Variants in MLLT3 observed in about 807,000 individuals in gnomAD.
The protein encoded by MLLT3 is protein AF-9.
MLLT3 carries 4 observed loss-of-function variants against 53.2 expected under a neutral mutation model. The observed-to-expected ratio is 0.08, with a 90% CI of 0.04 to 0.17. MLLT3 has a LOEUF of 0.17. MLLT3 is among the 10% of genes least tolerant of loss of function. The probability of loss-of-function intolerance (pLI) is 1.00; values close to 1 mark genes in which losing one functional copy is unlikely to be tolerated. For missense variants in MLLT3, 569 were observed against 684.0 expected (o/e 0.83, Z 1.87); for synonymous variants, 283 against 230.6 (o/e 1.23, Z -2.06).
chr9:20,490,981 A>G (rs1040905400), intron 2 of MLLT3, among the ~76,000 whole-genome samples: 1 of 152,170 alleles, frequency 6.6e-6, no homozygotes, highest in Non-Finnish European at 1.5e-5. Context: ...GAATTTGACT[A>G]AATTTCACTC....
chr9:20,414,372 G>A lies in MLLT3; in HGVS notation c.474C>T (p.Ser158=), dbSNP rs1563956909. The A allele has an allele frequency of 3.1e-6, 5 of 1,602,948 alleles. No homozygotes were observed. The South Asian group carries it at 3.3e-5, about 11-fold the overall frequency. The change falls in exon 5 of 11, where the codon AGC becomes AGT. Residue 158 remains serine, a synonymous_variant. Coordinates refer to ENST00000380338, the MANE Select transcript of MLLT3 (RefSeq NM_004529.4). ...TGCTGCTGCTGCTGCTGCTGCTGCT[G>A]CTGCTACTGCTGCTGCTGCTGCTGC... The part of the protein sequence containing the change: ...TSSSSSSSSS[S]SSSSSSSSSS...
At chr9:20,447,291 T>C (rs534772526) in intron 4 of MLLT3, among the ~76,000 whole-genome samples, 24 of 152,118 alleles carry the variant, frequency 1.6e-4, no homozygotes, top group South Asian at 4.1e-4. Flanking sequence ...ACTTCATAAA[T>C]AGAAAACTGC....
chr9:20,572,675 C>A (rs1453863488), intron 2 of MLLT3, among the ~76,000 whole-genome samples: 4 of 152,020 alleles, frequency 2.6e-5, no homozygotes, highest in Non-Finnish European at 5.9e-5. Context: ...GCGCCTGTAA[C>A]CCCAGCTGCT....
chr9:20,421,504 G>A (rs1311812502), intron 4 of MLLT3, among the ~76,000 whole-genome samples: 1 of 152,006 alleles, frequency 6.6e-6, no homozygotes, highest in African/African-American at 2.4e-5. Context: ...CACAAAACAT[G>A]CAAACATTAT....
intron 5 of MLLT3, among the ~76,000 whole-genome samples, chr9:20,395,858 A>G (rs2118732413): frequency 6.6e-6 from 1 of 152,294 alleles, no homozygotes; most frequent in South Asian, 2.1e-4. Flanking sequence ...GCTGTTGAAG[A>G]GCCAACAAAA....
intron 2 of MLLT3, among the ~76,000 whole-genome samples, chr9:20,495,717 G>A (rs1440000729): frequency 3.9e-5 from 6 of 152,074 alleles, no homozygotes; most frequent in African/African-American, 1.4e-4. Context: ...TCAAGCCTAA[G>A]ATGGGTCTTG....
At chr9:20,379,349 G>A (rs960252480) in intron 5 of MLLT3, among the ~76,000 whole-genome samples, 2 of 151,950 alleles carry the variant, frequency 1.3e-5, no homozygotes, top group Admixed American at 6.6e-5. Flanking sequence ...GGATTTAGAG[G>A]TTATACCACA....
At chr9:20,495,729 G>A (rs1825065926) in intron 2 of MLLT3, among the ~76,000 whole-genome samples, 1 of 152,014 alleles carries the variant, frequency 6.6e-6, no homozygotes, top group Non-Finnish European at 1.5e-5. Flanking sequence ...TGGGTCTTGT[G>A]GATGAAATCT....
At chr9:20,575,525 A>G (rs910636471) in intron 2 of MLLT3, among the ~76,000 whole-genome samples, 9 of 152,220 alleles carry the variant, frequency 5.9e-5, no homozygotes, top group Admixed American at 5.9e-4. Flanking sequence ...CAAAACTTGA[A>G]TGTCAAAATT....
In MLLT3 at chr9:20,365,698, C is replaced by G; in HGVS notation, c.1172G>C (p.Ser391Thr). The part of the protein sequence containing the change: ...PASSSSSSSS[S>T]FTPSQTRQQG... ...TTGCCTGGTCTGGGATGGTGTGAAG[C>G]TGGAGCTGGAGCTGGAGCTGGAGCT... Residue 391 changes from serine (S) to threonine (T), a missense_variant, in exon 6 of 11, where the codon AGC (serine) becomes ACC (threonine). Physicochemically the swap from Ser to Thr is moderately conservative, Grantham distance 58. Around this residue, in one of 5 missense-constraint regions of MLLT3, gnomAD observed 437 missense variants for 376.5 expected, o/e 1.16. Transcript: ENST00000380338. 6.2e-7 allele frequency: 1 copy of G among 1,613,982 alleles called. No homozygotes were observed.
At chr9:20,500,876 GTCT>G (rs1825205818) in intron 2 of MLLT3, among the ~76,000 whole-genome samples, 1 of 152,154 alleles carries the variant, frequency 6.6e-6, no homozygotes, top group Non-Finnish European at 1.5e-5. Context: ...CCAGTTCAAT[GTCT>G]TCTTTAAGTT....
rs575876831 is a variant in MLLT3, at chr9:20,616,418, T to G, written c.193+4236A>C. 4.6e-5 allele frequency among the ~76,000 whole-genome samples: 7 copies of G among 152,266 alleles called. No individual in the cohort carries two copies. The East Asian group carries it at 9.6e-4, about 21-fold the overall frequency. ...TTTTAAAACAATATTCTATATTGGT[T>G]TTTTATTCTTTTTCAGTTTTAAAAA... is the stretch of plus-strand genomic sequence containing the variant. On this transcript the variant is annotated intron_variant, in intron 2 of 10. Transcript: ENST00000380338.
intron 2 of MLLT3, among the ~76,000 whole-genome samples, chr9:20,599,946 A>G (rs975393461): frequency 2.0e-5 from 3 of 152,076 alleles, no homozygotes; most frequent in African/African-American, 7.2e-5. Flanking sequence ...CACCTATATA[A>G]TATTATATTG....
At chr9:20,463,157 G>C (rs1824152940) in intron 2 of MLLT3, among the ~76,000 whole-genome samples, 1 of 152,072 alleles carries the variant, frequency 6.6e-6, no homozygotes. Context: ...ATAAGAATTT[G>C]AGACTCCAAA....
chr9:20,550,704 T>C (rs1587059088), intron 2 of MLLT3, among the ~76,000 whole-genome samples: 1 of 152,314 alleles, frequency 6.6e-6, no homozygotes, highest in East Asian at 1.9e-4. Flanking sequence ...CAGCTGTGTG[T>C]ATTTTTTAAT....
At chr9:20,349,259 T>C (rs987609765) in intron 10 of MLLT3, among the ~76,000 whole-genome samples, 2 of 152,226 alleles carry the variant, frequency 1.3e-5, no homozygotes, top group African/African-American at 4.8e-5. Flanking sequence ...TAATGCTACC[T>C]GTTCTACTTG....
chr9:20,464,324 G>A (rs537096619), intron 2 of MLLT3, among the ~76,000 whole-genome samples: 2 of 152,140 alleles, frequency 1.3e-5, no homozygotes, highest in African/African-American at 4.8e-5. Flanking sequence ...GATAAGACGA[G>A]TCCTGCTCAG....
intron 4 of MLLT3, among the ~76,000 whole-genome samples, chr9:20,430,320 A>G (rs1385501313): frequency 6.6e-6 from 1 of 152,174 alleles, no homozygotes; most frequent in East Asian, 1.9e-4. Flanking sequence ...TCTAAAATGT[A>G]TATGAAGAAA....
chr9:20,480,504 A>G (rs913564791), intron 2 of MLLT3, among the ~76,000 whole-genome samples: 1 of 152,208 alleles, frequency 6.6e-6, no homozygotes, highest in Non-Finnish European at 1.5e-5. Flanking sequence ...AAGAACTGAC[A>G]GTTTCAGATG....
Sources: gnomAD v4.1 joint callset for allele counts (sites outside exome capture counted in the v4.1 genomes callset) on GRCh38, gnomAD v4.1.1 for gene constraint, gnomAD v4.1.1 regional missense constraint, MANE v1.5 for transcripts, NCBI Gene and HGNC (gene_info 2026-07-23, HGNC 2026-07-21) for gene names.